The following EED variants were observed in gnomAD, a reference collection of about 807,000 sequenced individuals.
The protein encoded by EED is polycomb protein EED.
In EED, 9 loss-of-function variants were observed where a neutral mutation model predicts 61.0. The observed-to-expected ratio is 0.15, with a 90% CI of 0.09 to 0.26. EED has a LOEUF of 0.26. EED is among the 10% of genes least tolerant of loss of function. The probability of loss-of-function intolerance (pLI) is 1.00; values close to 1 mark genes in which losing one functional copy is unlikely to be tolerated. For missense variants in EED, 315 were observed against 542.3 expected (o/e 0.58, Z 4.16); for synonymous variants, 187 against 174.4 (o/e 1.07, Z -0.57).
intron 6 of EED, among the ~76,000 whole-genome samples, chr11:86,262,980 T>G (rs1945873130): frequency 6.6e-6 from 1 of 152,030 alleles, no homozygotes; most frequent in South Asian, 2.1e-4. Flanking sequence ...CCTGGCTAAT[T>G]TATTTTCTGT....
rs11234597 is a variant in EED at position 86,262,960 on chromosome 11, C to T, written c.635-1212C>T. Among the ~76,000 whole-genome samples the T allele has an allele frequency of 1.8e-3, 267 of 151,816 alleles. 9 individuals are homozygous for T. The East Asian group carries it at 0.045, about 26-fold the overall frequency. On this transcript the variant is annotated intron_variant, in intron 6 of 11. Transcript: ENST00000263360. ...CTAAGTAGCTAGAACTGCAGGTACACGCCACCACACCTGGCTAATTTATTT... is the reference window on the plus strand; with the variant it reads ...CTAAGTAGCTAGAACTGCAGGTACATGCCACCACACCTGGCTAATTTATTT...
intron 2 of EED, among the ~76,000 whole-genome samples, chr11:86,251,079 A>G (rs555260494): frequency 3.3e-5 from 5 of 152,192 alleles, no homozygotes; most frequent in African/African-American, 1.2e-4. Flanking sequence ...ATGTGAGGCT[A>G]TTTTTTTCTA....
At chr11:86,273,363 C>A (rs1205480017) in intron 9 of EED, among the ~76,000 whole-genome samples, 1 of 152,186 alleles carries the variant, frequency 6.6e-6, no homozygotes, top group East Asian at 1.9e-4. Flanking sequence ...TATTCTTCTC[C>A]ATTTATAATT....
At chr11:86,285,660 T>C in the EED span, among the ~76,000 whole-genome samples, 1 of 151,922 alleles carries the variant, frequency 6.6e-6, no homozygotes, top group African/African-American at 2.4e-5. Context: ...TGCAGGGGTG[T>C]GATTTCAGCT....
At chr11:86,262,433 T>A (rs1432302009) in intron 6 of EED, among the ~76,000 whole-genome samples, 1 of 152,248 alleles carries the variant, frequency 6.6e-6, no homozygotes, top group East Asian at 1.9e-4. Context: ...TCTTCACAAC[T>A]GTATTGCAAG....
At chr11:86,271,186 T>C (rs1397840436) in intron 9 of EED, among the ~76,000 whole-genome samples, 3 of 152,206 alleles carry the variant, frequency 2.0e-5, no homozygotes, top group African/African-American at 7.2e-5. Flanking sequence ...CTTCATTTAT[T>C]TACAACTTCT....
At chr11:86,282,857 T>C (rs886862392), downstream of EED, among the ~76,000 whole-genome samples, 4 of 152,068 alleles carry the variant, frequency 2.6e-5, no homozygotes, top group Admixed American at 6.6e-5. Context: ...TGGTGGAGCA[T>C]AGTGGCTCAT....
chr11:86,258,036 G>T (rs1433860007), intron 6 of EED, among the ~76,000 whole-genome samples: 2 of 151,852 alleles, frequency 1.3e-5, no homozygotes, highest in Admixed American at 1.3e-4. Context: ...AGGTTGACAG[G>T]TCCTGTTTTA....
At chr11:86,280,927 A>G (rs960291849), downstream of EED, among the ~76,000 whole-genome samples, 1 of 152,204 alleles carries the variant, frequency 6.6e-6, no homozygotes, top group Non-Finnish European at 1.5e-5. Context: ...GTGATAATGT[A>G]CAGTTTTTGT....
In EED at chr11:86,264,199, A is replaced by G. The variant is rs1324041105; in HGVS notation, c.662A>G (p.Gln221Arg). Residue 221 changes from glutamine to arginine, a missense_variant, in exon 7 of 12, where the codon CAG (glutamine) becomes CGG (arginine). Gln to Arg is a conservative substitution (Grantham distance 43). Around this residue, in one of 2 missense-constraint regions of EED, gnomAD observed 205 missense variants for 455.4 expected, o/e 0.45. Transcript: ENST00000263360. ...CATGCTTTACGATTATGGAATATCC[A>G]GACGGACACTCTGGTGGCAATATTT... ...KDHALRLWNI[Q>R]TDTLVAIFGG... 1.9e-6 allele frequency: 3 copies of G among 1,613,994 alleles called. No individual in the cohort carries two copies. Among genetic ancestry groups the G allele is most frequent in the African/African-American group, 2.7e-5 (2 of 74,938 alleles).
At chr11:86,265,971 G>C (rs777367733) in intron 7 of EED, 112 bp from the exon 8 acceptor site, 10 of 897,958 alleles carry the variant, frequency 1.1e-5, no homozygotes, top group Non-Finnish European at 1.7e-5. Context: ...CCAAAATGTA[G>C]TTTGTATTGT....
At chr11:86,272,767 A>G (rs1432736443) in intron 9 of EED, among the ~76,000 whole-genome samples, 1 of 152,240 alleles carries the variant, frequency 6.6e-6, no homozygotes, top group East Asian at 1.9e-4. Context: ...ATAATTGAGT[A>G]AGTTTCTTGT....
chr11:86,255,422 A>G (rs1945643389), intron 4 of EED, 135 bp downstream of exon 4: 3 of 672,584 alleles, frequency 4.5e-6, no homozygotes, highest in Admixed American at 3.0e-5. Context: ...ATCACCCAAG[A>G]GAATCCTGTA....
chr11:86,274,446 T>G lies in EED; in HGVS notation c.967-2534T>G, dbSNP rs547529341. Among the ~76,000 whole-genome samples, 12 of 152,316 alleles carry G rather than the reference T, an allele frequency of 7.9e-5. No individual in the cohort carries two copies. The South Asian group carries it at 2.1e-3, about 26-fold the overall frequency. ...ATTTTTGATTGAAACCTGGGTATTT[T>G]GGGTATTACGAGACTCTGGACCTTA... is the stretch of plus-strand genomic sequence containing the variant. On this transcript the variant is annotated intron_variant, in intron 9 of 11. Transcript: ENST00000263360.
chr11:86,261,553 A>C (rs1945829043), intron 6 of EED, among the ~76,000 whole-genome samples: 1 of 152,216 alleles, frequency 6.6e-6, no homozygotes, highest in South Asian at 2.1e-4. Context: ...TGGCTCCACC[A>C]GGTGTTGCTG....
chr11:86,282,294 C>G (rs1946333883), downstream of EED, among the ~76,000 whole-genome samples: 1 of 151,980 alleles, frequency 6.6e-6, no homozygotes. Context: ...GAAATAATTG[C>G]TTTTAGTGAT....
downstream of EED, among the ~76,000 whole-genome samples, chr11:86,281,526 G>A (rs1295740746): frequency 1.3e-5 from 2 of 151,834 alleles, no homozygotes; most frequent in Non-Finnish European, 2.9e-5. Flanking sequence ...TAGGTTGTTG[G>A]TTTGCGATCT....
chr11:86,250,562 C>A, intron 2 of EED, 114 bp downstream of exon 2: 6 of 1,183,476 alleles, frequency 5.1e-6, no homozygotes, highest in Non-Finnish European at 6.6e-6. Flanking sequence ...TTTAAAGTTA[C>A]AATGTTTTCT....
At chr11:86,266,496 T>G (rs996372811) in intron 8 of EED, among the ~76,000 whole-genome samples, 2 of 152,156 alleles carry the variant, frequency 1.3e-5, no homozygotes, top group African/African-American at 4.8e-5. Flanking sequence ...GCTTGGCCTT[T>G]TAAGTTATAA....
Sources: allele counts gnomAD v4.1 joint callset (sites outside exome capture counted in the v4.1 genomes callset), GRCh38; gene constraint gnomAD v4.1.1; regional missense constraint gnomAD v4.1.1; transcripts MANE v1.5; gene names NCBI Gene and HGNC (gene_info 2026-07-23, HGNC 2026-07-21).